Variants in CACNB2 observed in about 807,000 individuals in gnomAD.
The protein encoded by CACNB2 is voltage-dependent L-type calcium channel subunit beta-2.
In CACNB2, 42 loss-of-function variants were observed where a neutral mutation model predicts 73.3. The ratio of observed to expected loss-of-function variants is 0.57; its 90% confidence interval spans 0.45 to 0.74. CACNB2 has a LOEUF of 0.74. CACNB2 is among the 30% of genes least tolerant of loss of function. The pLI is 0.00. For synonymous variants in CACNB2, 348 were observed against 310.3 expected (o/e 1.12, Z -1.28); for missense variants, 940 against 853.0 (o/e 1.10, Z -1.27).
intron 2 of CACNB2, among the ~76,000 whole-genome samples, chr10:18,363,155 T>TA: frequency 6.6e-6 from 1 of 152,300 alleles, no homozygotes; most frequent in East Asian, 1.9e-4. Flanking sequence ...CCATGAACAG[T>TA]AAAATAGGTT....
intron 5 of CACNB2, among the ~76,000 whole-genome samples, chr10:18,504,118 C>T (rs904010636): frequency 6.6e-6 from 1 of 152,190 alleles, no homozygotes; most frequent in Non-Finnish European, 1.5e-5. Context: ...AATGTAGTCT[C>T]CTGTGTCTCC....
At position 18,160,275 on chromosome 10, in the gene CACNB2, A is replaced by T. The variant is rs1290921396; in HGVS notation, c.213+9300A>T. On this transcript the variant is annotated intron_variant, in intron 2 of 13. Coordinates refer to ENST00000324631, the MANE Select transcript of CACNB2 (RefSeq NM_201596.3). ...TAAACTAGGCTTGATTAAGTGCTCC[A>T]GTTATTAAAATAATTTTGTGGATTG... Among the ~76,000 whole-genome samples the T allele has an allele frequency of 1.3e-5, 2 of 152,156 alleles. 1 individual carries two copies. Among genetic ancestry groups the T allele is most frequent in the South Asian group, 4.1e-4 (2 of 4,828 alleles).
chr10:18,517,857 G>A (rs1329483841), intron 7 of CACNB2, among the ~76,000 whole-genome samples: 1 of 152,180 alleles, frequency 6.6e-6, no homozygotes. Flanking sequence ...ATTTTGAAAT[G>A]AGGTTTTACA....
At chr10:18,142,652 C>A (rs1160560308) in intron 1 of CACNB2, among the ~76,000 whole-genome samples, 1 of 152,176 alleles carries the variant, frequency 6.6e-6, no homozygotes, top group African/African-American at 2.4e-5. Flanking sequence ...AATTCCTGGA[C>A]ATCAAAGTCA....
At chr10:18,407,320 C>T (rs2044353355) in intron 3 of CACNB2, among the ~76,000 whole-genome samples, 1 of 151,658 alleles carries the variant, frequency 6.6e-6, no homozygotes, top group African/African-American at 2.4e-5. Context: ...CAGGGTTTCT[C>T]CATGTTTTCC....
rs532663742 is a variant in CACNB2, at chr10:18,510,933, T to C, written c.671-3303T>C. ...CATATCCAGGAAAGCGCTGACAACATGCTGCTTGAGTTGAGATTCAAGGAA... is the reference window on the plus strand; with the variant it reads ...CATATCCAGGAAAGCGCTGACAACACGCTGCTTGAGTTGAGATTCAAGGAA... On this transcript the variant is annotated intron_variant, in intron 6 of 13. Coordinates refer to ENST00000324631, the MANE Select transcript of CACNB2 (RefSeq NM_201596.3). 3.3e-4 allele frequency among the ~76,000 whole-genome samples: 51 copies of C among 152,342 alleles called. 1 individual carries two copies. Among genetic ancestry groups the C allele is most frequent in the South Asian group, 1.0e-3 (5 of 4,830 alleles).
At chr10:18,482,882 A>G (rs760760137) in intron 3 of CACNB2, among the ~76,000 whole-genome samples, 17 of 152,242 alleles carry the variant, frequency 1.1e-4, no homozygotes, top group East Asian at 5.8e-4. Flanking sequence ...AGATGTTCCA[A>G]TGATAACCTT....
At chr10:18,386,019 G>C (rs2043215738) in intron 2 of CACNB2, among the ~76,000 whole-genome samples, 1 of 152,118 alleles carries the variant, frequency 6.6e-6, no homozygotes, top group Non-Finnish European at 1.5e-5. Context: ...ATCAAAGGTA[G>C]GTTTTCAGTT....
chr10:18,218,628 C>G (rs1448056713), intron 2 of CACNB2, among the ~76,000 whole-genome samples: 1 of 151,128 alleles, frequency 6.6e-6, no homozygotes, highest in Non-Finnish European at 1.5e-5. Flanking sequence ...ATGCCTGTAA[C>G]CCCAGTACTT....
chr10:18,335,651 T>A (rs1330192739), intron 2 of CACNB2, among the ~76,000 whole-genome samples: 1 of 152,162 alleles, frequency 6.6e-6, no homozygotes, highest in East Asian at 1.9e-4. Flanking sequence ...TTCTTTTTTC[T>A]GGGTTTCAAT....
chr10:18,323,911 T>G (rs1454673979), intron 2 of CACNB2, among the ~76,000 whole-genome samples: 1 of 152,190 alleles, frequency 6.6e-6, no homozygotes, highest in Non-Finnish European at 1.5e-5. Flanking sequence ...CAACATAAAT[T>G]CAGTCATCTC....
intron 3 of CACNB2, among the ~76,000 whole-genome samples, chr10:18,426,955 A>ATTTTTTTTTTTTTTTTTTTT (rs551543429): frequency 6.1e-5 from 5 of 81,650 alleles, no homozygotes; most frequent in Non-Finnish European, 1.1e-4. Flanking sequence ...CCTTTTCTAC[A>ATTTTTTTTTTTTTTTTTTTT]TTTTTTTTTT....
intron 2 of CACNB2, among the ~76,000 whole-genome samples, chr10:18,367,974 C>A (rs1454507175): frequency 1.3e-5 from 2 of 152,124 alleles, no homozygotes; most frequent in Admixed American, 1.3e-4. Context: ...GCCGTCTGGT[C>A]ATATTCTACT....
intron 3 of CACNB2, among the ~76,000 whole-genome samples, chr10:18,432,236 T>C (rs2132840505): frequency 6.6e-6 from 1 of 152,342 alleles, no homozygotes; most frequent in East Asian, 1.9e-4. Context: ...AAATACCACA[T>C]ATATTCTATT....
chr10:18,311,869 C>T (rs568871652), intron 2 of CACNB2, among the ~76,000 whole-genome samples: 9 of 152,280 alleles, frequency 5.9e-5, no homozygotes, highest in African/African-American at 2.2e-4. Context: ...GTAGGGACCC[C>T]TACAGTCACC....
intron 2 of CACNB2, among the ~76,000 whole-genome samples, chr10:18,306,084 G>A: frequency 6.6e-6 from 1 of 152,166 alleles, no homozygotes; most frequent in East Asian, 1.9e-4. Flanking sequence ...AGAAGAGACA[G>A]CCAGGGGGCC....
intron 2 of CACNB2, among the ~76,000 whole-genome samples, chr10:18,267,826 T>C (rs2037879306): frequency 6.6e-6 from 1 of 152,156 alleles, no homozygotes; most frequent in Admixed American, 6.5e-5. Flanking sequence ...TTTCTTCCCA[T>C]TGGAGAGGCA....
At chr10:18,488,020 G>A in intron 3 of CACNB2, among the ~76,000 whole-genome samples, 1 of 151,290 alleles carries the variant, frequency 6.6e-6, no homozygotes, top group East Asian at 2.0e-4. Flanking sequence ...TGTTGCACTG[G>A]CTGGTCTCGA....
chr10:18,417,660 G>A (rs1004754604), intron 3 of CACNB2, among the ~76,000 whole-genome samples: 2 of 152,016 alleles, frequency 1.3e-5, no homozygotes, highest in Non-Finnish European at 1.5e-5. Context: ...AATTTAATAT[G>A]TTGTTAGTTA....
Sources: gnomAD v4.1 joint callset for allele counts (sites outside exome capture counted in the v4.1 genomes callset) on GRCh38, gnomAD v4.1.1 for gene constraint, MANE v1.5 for transcripts, NCBI Gene and HGNC (gene_info 2026-07-23, HGNC 2026-07-21) for gene names.